SLC16A2: variants seen among roughly 807,000 people sequenced by gnomAD.
SLC16A2 encodes the protein monocarboxylate transporter 8.
A neutral mutation model predicts 27.2 loss-of-function variants in SLC16A2; 3 were observed. That is an observed-to-expected ratio of 0.11 (90% CI 0.05 to 0.28). The LOEUF (loss-of-function observed/expected upper bound fraction) is 0.28, where lower values mean the gene tolerates loss of function less well. SLC16A2 is among the 10% of genes least tolerant of loss of function. The probability of loss-of-function intolerance (pLI) is 1.00; values close to 1 mark genes in which losing one functional copy is unlikely to be tolerated. For missense variants in SLC16A2, 295 were observed against 458.5 expected, an observed-to-expected ratio of 0.64 and a Z score of 3.26; for synonymous variants, 202 against 187.8, an observed-to-expected ratio of 1.08 and a Z score of -0.62.
intron 1 of SLC16A2, among the ~76,000 whole-genome samples, chrX:74,428,542 T>C (rs1332615707): frequency 9.0e-6 from 1 of 111,276 alleles, no homozygotes; most frequent in Non-Finnish European, 1.9e-5. Context: ...AGAGGAACAA[T>C]TGGGGTTTGG....
intron 1 of SLC16A2, among the ~76,000 whole-genome samples, chrX:74,468,381 T>C (rs1423436901): frequency 1.8e-5 from 2 of 112,198 alleles, no homozygotes; most frequent in African/African-American, 6.5e-5. Flanking sequence ...GTCTTTTGAC[T>C]GGCTTTTCTT....
chrX:74,524,290 G>GC, intron 2 of SLC16A2, 69 bp from the exon 3 acceptor site: 1 of 1,098,920 alleles, frequency 9.1e-7, no homozygotes, highest in South Asian at 1.9e-5. Flanking sequence ...GTCTCAGGAA[G>GC]CTGACAGGGG....
intron 1 of SLC16A2, among the ~76,000 whole-genome samples, chrX:74,488,151 C>CA (rs1929756188): frequency 9.0e-6 from 1 of 111,330 alleles, no homozygotes. Context: ...TATGTACTTT[C>CA]AAAAAAATTA....
chrX:74,487,887 A>AT (rs1929749890), intron 1 of SLC16A2, among the ~76,000 whole-genome samples: 1 of 111,869 alleles, frequency 8.9e-6, no homozygotes, highest in African/African-American at 3.2e-5. Flanking sequence ...AATAAACACA[A>AT]TTTTTTAAGA....
intron 1 of SLC16A2, among the ~76,000 whole-genome samples, chrX:74,440,543 T>G (rs894342003): frequency 1.9e-3 from 169 of 90,472 alleles, no homozygotes; most frequent in African/African-American, 7.2e-3. Flanking sequence ...TTTTTTTTTT[T>G]GCTGCTGTAC....
chrX:74,474,726 C>G (rs56896406), intron 1 of SLC16A2, among the ~76,000 whole-genome samples: 4 of 109,565 alleles, frequency 3.7e-5, no homozygotes, highest in African/African-American at 1.0e-4. Flanking sequence ...GAGAACATGC[C>G]GTGTTTGGTT....
intron 1 of SLC16A2, among the ~76,000 whole-genome samples, chrX:74,507,221 G>A (rs1930151045): frequency 2.7e-5 from 3 of 110,929 alleles, no homozygotes; most frequent in Admixed American, 1.9e-4. Context: ...CTCCAAAAGT[G>A]TTAGGATTAC....
At chrX:74,497,494 G>GT (rs1929957827) in intron 1 of SLC16A2, among the ~76,000 whole-genome samples, 1 of 109,332 alleles carries the variant, frequency 9.1e-6, no homozygotes, top group African/African-American at 3.3e-5. Flanking sequence ...GGTTCTCAAA[G>GT]TTTTTTGTTT....
At chrX:74,450,902 AT>A (rs1487651335) in intron 1 of SLC16A2, among the ~76,000 whole-genome samples, 2 of 111,613 alleles carry the variant, frequency 1.8e-5, no homozygotes, top group Non-Finnish European at 3.8e-5. Flanking sequence ...ATAGGTCTTG[AT>A]TTTAAAAGTC....
intron 1 of SLC16A2, among the ~76,000 whole-genome samples, chrX:74,443,390 C>A (rs964860455): frequency 2.7e-5 from 3 of 111,893 alleles, no homozygotes; most frequent in African/African-American, 9.7e-5. Flanking sequence ...AATCCTTCCC[C>A]ATGAACTCGA....
At chrX:74,429,023 G>T (rs1355209359) in intron 1 of SLC16A2, among the ~76,000 whole-genome samples, 1 of 111,011 alleles carries the variant, frequency 9.0e-6, no homozygotes, top group Non-Finnish European at 1.9e-5. Flanking sequence ...ACAATTGGTT[G>T]TAGAGGGGTC....
At chrX:74,435,516 T>TATATATACGC (rs1217640913) in intron 1 of SLC16A2, among the ~76,000 whole-genome samples, 10 of 62,047 alleles carry the variant, frequency 1.6e-4, no homozygotes, top group African/African-American at 7.3e-4. Flanking sequence ...TATATGCATA[T>TATATATACGC]ATATATATGC....
intron 1 of SLC16A2, among the ~76,000 whole-genome samples, chrX:74,429,350 T>C (rs1216856162): frequency 1.8e-5 from 2 of 109,712 alleles, no homozygotes; most frequent in South Asian, 4.0e-4. Context: ...CACATGCCTG[T>C]GGTCACAGGT....
chrX:74,433,198 C>T (rs2147838431), intron 1 of SLC16A2, among the ~76,000 whole-genome samples: 1 of 110,486 alleles, frequency 9.1e-6, no homozygotes, highest in South Asian at 3.9e-4. Context: ...ATGGTGAAAT[C>T]CCGTCTCTAC....
intron 1 of SLC16A2, among the ~76,000 whole-genome samples, chrX:74,498,850 G>T (rs747318862): frequency 4.5e-5 from 5 of 111,701 alleles, no homozygotes; most frequent in Admixed American, 3.8e-4. Flanking sequence ...TCTGATCCCC[G>T]ACATGACCCC....
chrX:74,484,463 C>G (rs780655113), intron 1 of SLC16A2, among the ~76,000 whole-genome samples: 1 of 111,647 alleles, frequency 9.0e-6, no homozygotes, highest in Non-Finnish European at 1.9e-5. Flanking sequence ...TTTTATTGTG[C>G]GGAGGAAGCT....
At chrX:74,516,244 A>G (rs1175652839) in intron 1 of SLC16A2, among the ~76,000 whole-genome samples, 1 of 110,732 alleles carries the variant, frequency 9.0e-6, no homozygotes, top group Non-Finnish European at 1.9e-5. Context: ...GTAGAGATGG[A>G]GTTTTGCCAC....
At chrX:74,463,273 G>A (rs958964496) in intron 1 of SLC16A2, among the ~76,000 whole-genome samples, 4 of 111,724 alleles carry the variant, frequency 3.6e-5, no homozygotes, top group Non-Finnish European at 7.5e-5. Flanking sequence ...AAGGAAAGGG[G>A]GTTCCATGGA....
At chrX:74,439,812 G>C (rs1262978238) in intron 1 of SLC16A2, among the ~76,000 whole-genome samples, 1 of 110,176 alleles carries the variant, frequency 9.1e-6, no homozygotes. Flanking sequence ...AGAGGGAAAA[G>C]TGAGGGTATT....
Sources: allele counts gnomAD v4.1 joint callset (sites outside exome capture counted in the v4.1 genomes callset), GRCh38; gene constraint gnomAD v4.1.1; transcripts MANE v1.5; gene names NCBI Gene and HGNC (gene_info 2026-07-23, HGNC 2026-07-21).